CD46: variants seen among roughly 807,000 people sequenced by gnomAD.
The protein encoded by CD46 is CD46 molecule.
A neutral mutation model predicts 53.3 loss-of-function variants in CD46; 30 were observed. That is an observed-to-expected ratio of 0.56 (90% CI 0.42 to 0.76). The LOEUF (loss-of-function observed/expected upper bound fraction) is 0.76, where lower values mean the gene tolerates loss of function less well. Ranked by LOEUF, CD46 falls within the 30% of genes least tolerant of loss-of-function variation. CD46 has a pLI of 0.00. For missense variants in CD46, 409 were observed against 463.0 expected (o/e 0.88, Z 1.07); for synonymous variants, 142 against 152.0 (o/e 0.93, Z 0.48).
At chr1:207,755,699 G>A (rs1655457751) in intron 1 of CD46, among the ~76,000 whole-genome samples, 1 of 152,128 alleles carries the variant, frequency 6.6e-6, no homozygotes, top group Non-Finnish European at 1.5e-5. Context: ...TTTCCTTACT[G>A]GGCATACTAC....
chr1:207,770,437 G>A (rs973211712), intron 8 of CD46, 75 bp downstream of exon 8: 4 of 1,095,436 alleles, frequency 3.7e-6, no homozygotes, highest in African/African-American at 1.6e-5. Flanking sequence ...AAGCTCTAGG[G>A]TATGTGTGCA....
chr1:207,753,965 A>G (rs1486175166), intron 1 of CD46, among the ~76,000 whole-genome samples: 1 of 151,992 alleles, frequency 6.6e-6, no homozygotes, highest in Non-Finnish European at 1.5e-5. Context: ...TCCTTTTTTC[A>G]CTATTTGTTT....
intron 5 of CD46, among the ~76,000 whole-genome samples, chr1:207,765,896 C>T (rs1212067407): frequency 6.6e-6 from 1 of 152,198 alleles, no homozygotes; most frequent in Non-Finnish European, 1.5e-5. Flanking sequence ...AACTGCAAAT[C>T]GCCACATGTT....
At chr1:207,771,454 G>A (rs901669837) in intron 8 of CD46, among the ~76,000 whole-genome samples, 2 of 152,012 alleles carry the variant, frequency 1.3e-5, no homozygotes, top group Non-Finnish European at 2.9e-5. Context: ...TGGTGTTTTA[G>A]TTATGAAGTA....
At chr1:207,763,958 T>A (rs1232386802) in intron 5 of CD46, among the ~76,000 whole-genome samples, 1 of 147,690 alleles carries the variant, frequency 6.8e-6, no homozygotes, top group East Asian at 2.0e-4. Context: ...TGCTACACTT[T>A]TTTTTTTTTT....
At chr1:207,785,810 G>A in intron 11 of CD46, 128 bp downstream of exon 11, 1 of 696,706 alleles carries the variant, frequency 1.4e-6, no homozygotes, top group Non-Finnish European at 2.6e-6. Flanking sequence ...GCCTGCATTA[G>A]TTTGTCCTAC....
chr1:207,784,927 GT>G, intron 9 of CD46, 143 bp from the exon 10 acceptor site: 1 of 716,734 alleles, frequency 1.4e-6, no homozygotes, highest in South Asian at 1.5e-5. Flanking sequence ...CCCACAACAC[GT>G]GGGGATTATG....
chr1:207,753,778 C>A (rs1655189566), intron 1 of CD46, among the ~76,000 whole-genome samples: 1 of 151,964 alleles, frequency 6.6e-6, no homozygotes, highest in African/African-American at 2.4e-5. Context: ...ATATTTGTTT[C>A]TGCCTTCATG....
intron 8 of CD46, among the ~76,000 whole-genome samples, chr1:207,783,025 T>A (rs748398564): frequency 2.6e-5 from 4 of 152,102 alleles, no homozygotes; most frequent in Non-Finnish European, 4.4e-5. Context: ...ATAGTACAGA[T>A]AAATTTGCAT....
At chr1:207,781,163 T>C (rs1658699305) in intron 8 of CD46, among the ~76,000 whole-genome samples, 1 of 148,982 alleles carries the variant, frequency 6.7e-6, no homozygotes, top group Non-Finnish European at 1.5e-5. Flanking sequence ...ATATGCATAC[T>C]AGATATGCAT....
chr1:207,766,909 G>A (rs1656913332), intron 5 of CD46, 104 bp from the exon 6 acceptor site: 2 of 829,522 alleles, frequency 2.4e-6, no homozygotes, highest in South Asian at 3.0e-5. Flanking sequence ...TTAACATCTT[G>A]CATTCCATTC....
intron 12 of CD46, among the ~76,000 whole-genome samples, chr1:207,790,685 A>C (rs1166936684): frequency 6.6e-6 from 1 of 152,222 alleles, no homozygotes; most frequent in Non-Finnish European, 1.5e-5. Flanking sequence ...AACTCATTTT[A>C]AGTGCAAGGA....
intron 5 of CD46, among the ~76,000 whole-genome samples, chr1:207,763,936 A>C (rs1033834477): frequency 6.0e-5 from 9 of 149,446 alleles, no homozygotes; most frequent in Middle Eastern, 6.8e-3. Flanking sequence ...AAGTGGGGAA[A>C]ACACACACAG....
intron 5 of CD46, among the ~76,000 whole-genome samples, chr1:207,766,684 T>G (rs1437747410): frequency 6.6e-6 from 1 of 152,020 alleles, no homozygotes; most frequent in Non-Finnish European, 1.5e-5. Context: ...AACAAAATTT[T>G]AAAAAGCAGC....
chr1:207,764,060 G>A (rs920225202), intron 5 of CD46, among the ~76,000 whole-genome samples: 2 of 150,964 alleles, frequency 1.3e-5, no homozygotes, highest in Non-Finnish European at 2.9e-5. Flanking sequence ...AAATGTCATT[G>A]AAGGCTAAGG....
At chr1:207,754,780 C>T (rs1186507613) in intron 1 of CD46, among the ~76,000 whole-genome samples, 1 of 151,932 alleles carries the variant, frequency 6.6e-6, no homozygotes, top group African/African-American at 2.4e-5. Context: ...TTGCATCTCA[C>T]TGATCATTAA....
At position 207,792,457 on chromosome 1, in the gene CD46, C is replaced by T. The variant is rs769493546; in HGVS notation, c.*42-1062C>T. Among the ~76,000 whole-genome samples, 40 of 152,086 alleles carry T rather than the reference C, an allele frequency of 2.6e-4. 1 individual carries two copies. Among genetic ancestry groups the T allele is most frequent in the Non-Finnish European group, 4.3e-4 (29 of 68,024 alleles). On this transcript the variant is annotated intron_variant, in intron 12 of 12. Transcript: ENST00000367042. ...CCTCCCCGGCAAAGAAGAACCAACC[C>T]GTTTACGCCTGAGGTTGCAATTTTT...
intron 5 of CD46, chr1:207,762,638 C>G (rs751337776): frequency 1.3e-5 from 2 of 152,286 alleles, no homozygotes; most frequent in Non-Finnish European, 2.9e-5. Flanking sequence ...CAGTCACTCC[C>G]GGACTTGTCC....
At chr1:207,765,617 A>G (rs1656750354) in intron 5 of CD46, among the ~76,000 whole-genome samples, 1 of 152,188 alleles carries the variant, frequency 6.6e-6, no homozygotes, top group Non-Finnish European at 1.5e-5. Context: ...ATGAGATGCC[A>G]CTAAATACCT....
Sources: gnomAD v4.1 joint callset for allele counts (sites outside exome capture counted in the v4.1 genomes callset) on GRCh38, gnomAD v4.1.1 for gene constraint, MANE v1.5 for transcripts, NCBI Gene and HGNC (gene_info 2026-07-23, HGNC 2026-07-21) for gene names.